KIF13A: variants seen among roughly 807,000 people sequenced by gnomAD.
KIF13A encodes the protein kinesin-like protein KIF13A.
In KIF13A, 79 loss-of-function variants were observed where a neutral mutation model predicts 212.2. That is an observed-to-expected ratio of 0.37 (90% CI 0.31 to 0.45). KIF13A has a LOEUF of 0.45. Among genes scored for constraint, KIF13A ranks in the 20% least tolerant of loss-of-function variants. The probability of loss-of-function intolerance (pLI) is 1.00; values close to 1 mark genes in which losing one functional copy is unlikely to be tolerated. For missense variants in KIF13A, 1,901 were observed against 2,209.0 expected (o/e 0.86, Z 2.79); for synonymous variants, 789 against 808.6 (o/e 0.98, Z 0.41).
chr6:17,841,958 CACAT>C (rs1766552333), intron 9 of KIF13A, among the ~76,000 whole-genome samples: 1 of 151,632 alleles, frequency 6.6e-6, no homozygotes. Context: ...TACACACACA[CACAT>C]ACATGTAAGT....
rs2147211 is a variant in KIF13A, at chr6:17,789,960, A to G, written c.3223-50T>C. 442,454 of 1,445,972 alleles carry G rather than the reference A, an allele frequency of 0.31. 69,931 individuals are homozygous for G. Among genetic ancestry groups the G allele is most frequent in the African/African-American group, 0.53 (38,449 of 72,008 alleles). The allele number at this position is 1,445,972 out of a possible 1,614,324, so 89.6% of individuals were successfully genotyped here. A position where few individuals can be genotyped will look rare whatever the true frequency, so the allele number is the denominator to read the frequency against. ...GGACAAGCATTTTGTTTTTCAAACCACATACAGGGAAAATAATTATTTAAG... is the reference window on the plus strand; with the variant it reads ...GGACAAGCATTTTGTTTTTCAAACCGCATACAGGGAAAATAATTATTTAAG... On this transcript the variant is annotated intron_variant, in intron 25 of 38. Coordinates refer to ENST00000259711, the MANE Select transcript of KIF13A (RefSeq NM_022113.6). The surrounding 1 kb of genome is among the most constrained non-coding windows in gnomAD (Gnocchi z 4.8).
Position 17,794,492 on chromosome 6 carries a change from G to C in KIF13A, c.3075+80C>G. On this transcript the variant is annotated intron_variant, in intron 24 of 38. Coordinates refer to ENST00000259711, the MANE Select transcript of KIF13A (RefSeq NM_022113.6). This position sits in a 1 kb window ranked among gnomAD's most constrained non-coding sequence, Gnocchi z 4.1. ...GGATTAGAGAATAAAGATACAAATA[G>C]TTAGAAAATCCCCAGAAACAATGTG... 1.3e-6 allele frequency: 2 copies of C among 1,557,062 alleles called. No individual in the cohort carries two copies. Among genetic ancestry groups the C allele is most frequent in the Non-Finnish European group, 1.7e-6 (2 of 1,149,680 alleles).
chr6:17,929,460 G>A lies in KIF13A; in HGVS notation c.147-31280C>T, dbSNP rs867705589. On this transcript the variant is annotated intron_variant, in intron 2 of 38. Transcript: ENST00000259711. ...CTGTTGGCCAGGCTGGAGTGCAGTG[G>A]CACGATCTTGGCTCACTGCAAGCTC... 4.6e-5 allele frequency among the ~76,000 whole-genome samples: 7 copies of A among 150,974 alleles called. 1 individual carries two copies. In the Middle Eastern group the frequency reaches 0.01, roughly 222 times the overall value.
intron 2 of KIF13A, among the ~76,000 whole-genome samples, chr6:17,940,871 G>A (rs899737576): frequency 4.7e-5 from 7 of 148,160 alleles, no homozygotes; most frequent in African/African-American, 1.8e-4. Flanking sequence ...TGTTGCCCAG[G>A]CTGGAGTGCA....
chr6:17,892,595 G>A lies in KIF13A; in HGVS notation c.159+5573C>T, dbSNP rs879638740. ...GCTGCTTACCAGAAAGACCAAGGCA[G>A]GATTAGAGGGTTGGAACATTTAGCC... On this transcript the variant is annotated intron_variant, in intron 3 of 38. Transcript: ENST00000259711. This position sits in a 1 kb window ranked among gnomAD's most constrained non-coding sequence, Gnocchi z 4.7. 5.3e-5 allele frequency among the ~76,000 whole-genome samples: 8 copies of A among 152,220 alleles called. No individual in the cohort carries two copies. The highest frequency in any genetic ancestry group is 1.7e-4 in the African/African-American group (7 of 41,460).
chr6:17,977,114 C>CAAAAAAAAAAAAAAAAAA (rs398000718), intron 2 of KIF13A, among the ~76,000 whole-genome samples: 4 of 106,698 alleles, frequency 3.7e-5, no homozygotes, highest in Non-Finnish European at 7.7e-5. Flanking sequence ...AAAACAACAA[C>CAAAAAAAAAAAAAAAAAA]AAAAAAAAAA....
intron 9 of KIF13A, among the ~76,000 whole-genome samples, chr6:17,846,497 G>C (rs1187857463): frequency 6.6e-6 from 1 of 151,580 alleles, no homozygotes; most frequent in African/African-American, 2.4e-5. Context: ...GCCAGAAGCA[G>C]TGGCTCACAC....
chr6:17,888,741 C>T lies in KIF13A; in HGVS notation c.159+9427G>A, dbSNP rs1771775262. On this transcript the variant is annotated intron_variant, in intron 3 of 38. Transcript: ENST00000259711. This position sits in a 1 kb window ranked among gnomAD's most constrained non-coding sequence, Gnocchi z 4.8. The stretch of plus-strand genomic sequence containing the variant: ...TTGGAAGGCTGAGGTGAGAGAATTG[C>T]TTGAACCTAGGAGGTGGAGGTTGCA... Among the ~76,000 whole-genome samples the T allele has an allele frequency of 1.3e-5, 2 of 152,188 alleles. No individual in the cohort carries two copies. Among genetic ancestry groups the T allele is most frequent in the South Asian group, 4.1e-4 (2 of 4,820 alleles).
rs1253073256 is a variant in KIF13A at position 17,971,384 on chromosome 6, T to C, written c.146+15670A>G. Reference sequence around the variant, plus strand: ...CCTATTCTGGTGTTAAGCTGACCTCTATTTTATAATAAAATATTAAAATTT... The same window carrying C: ...CCTATTCTGGTGTTAAGCTGACCTCCATTTTATAATAAAATATTAAAATTT... On this transcript the variant is annotated intron_variant, in intron 2 of 38. Transcript: ENST00000259711. The surrounding 1 kb of genome is among the most constrained non-coding windows in gnomAD (Gnocchi z 4.2). 2.0e-5 allele frequency among the ~76,000 whole-genome samples: 3 copies of C among 152,234 alleles called. No individual in the cohort carries two copies. The highest frequency in any genetic ancestry group is 3.8e-4 in the East Asian group (2 of 5,206).
At chr6:17,840,111 G>A (rs1399060351) in intron 9 of KIF13A, among the ~76,000 whole-genome samples, 2 of 152,126 alleles carry the variant, frequency 1.3e-5, no homozygotes, top group African/African-American at 4.8e-5. Context: ...TGGATACAAG[G>A]TTTCTTTTGG....
Position 17,855,617 on chromosome 6 carries a change from C to G in KIF13A, c.314G>C (p.Gly105Ala). The G allele has an allele frequency of 6.3e-7, 1 of 1,598,020 alleles. No homozygotes were observed. The highest frequency in any genetic ancestry group is 8.5e-7 in the Non-Finnish European group (1 of 1,175,110). ...NACIFAYGQT[G>A]SGKSFSMMGH... ...CATCATGGAAAAGGATTTTCCCGAA[C>G]CTGGAGAACAGCAAGGAAAAAGAAG... The change falls in exon 6 of 39, where the codon GGT becomes GCT. Residue 105 changes from glycine (G) to alanine (A), a missense_variant and splice_region_variant. Physicochemically the swap from Gly to Ala is moderately conservative, Grantham distance 60 (BLOSUM62 0). Around this residue, in one of 5 missense-constraint regions of KIF13A, gnomAD observed 506 missense variants for 637.4 expected, o/e 0.79. Coordinates refer to ENST00000259711, the MANE Select transcript of KIF13A (RefSeq NM_022113.6). The surrounding 1 kb of genome is among the most constrained non-coding windows in gnomAD (Gnocchi z 4.1).
intron 16 of KIF13A, among the ~76,000 whole-genome samples, chr6:17,820,673 C>G (rs964258869): frequency 1.3e-5 from 2 of 152,240 alleles, no homozygotes; most frequent in South Asian, 4.1e-4. Flanking sequence ...GCCAGGTGCC[C>G]AAAGCCAAGA....
chr6:17,804,415 G>T lies in KIF13A; in HGVS notation c.2400C>A (p.Leu800=), dbSNP rs1237533243. ...IGVANVFLEC[L]FCDVKLQYAV... ...CATACTGAAGTTTCACATCACAGAAGAGGCATTCCAAGAATACATTCGCCA... is the reference window on the plus strand; with the variant it reads ...CATACTGAAGTTTCACATCACAGAATAGGCATTCCAAGAATACATTCGCCA... Residue 800 remains leucine (L), a synonymous_variant, in exon 20 of 39, where the codon CTC becomes CTA. Transcript: ENST00000259711. 8 of 1,560,434 alleles carry T rather than the reference G, an allele frequency of 5.1e-6. No homozygotes were observed. In the East Asian group the frequency reaches 1.7e-4, roughly 33 times the overall value.
chr6:17,827,824 T>G (rs143422697), intron 14 of KIF13A, among the ~76,000 whole-genome samples: 1,797 of 152,234 alleles, frequency 0.012, 21 homozygotes, highest in Admixed American at 0.032. Flanking sequence ...GCCTAGCCAA[T>G]TTTCTGGTAT....
At chr6:17,878,205 C>G (rs761562696) in intron 3 of KIF13A, among the ~76,000 whole-genome samples, 6 of 152,176 alleles carry the variant, frequency 3.9e-5, no homozygotes, top group Non-Finnish European at 5.9e-5. Flanking sequence ...CTGGAAAAAA[C>G]TGGAGCAGGT....
At position 17,771,057 on chromosome 6, in the gene KIF13A, T is replaced by G. The variant is rs182584363; in HGVS notation, c.4581+57A>C. On this transcript the variant is annotated intron_variant, in intron 38 of 38. Transcript: ENST00000259711. This position sits in a 1 kb window ranked among gnomAD's most constrained non-coding sequence, Gnocchi z 5.4. The stretch of plus-strand genomic sequence containing the variant: ...CTTCTAGCATTTGGATGATTGTCTG[T>G]GAAAGGGCCTTAAACCCACCACCAG... The G allele has an allele frequency of 2.7e-4, 295 of 1,110,082 alleles. 3 individuals are homozygous for G. In the East Asian group the frequency reaches 5.8e-3, roughly 22 times the overall value. The allele number at this position is 1,110,082 out of a possible 1,614,324, so 68.8% of individuals were successfully genotyped here.
rs1192390750 is a variant in KIF13A, at chr6:17,771,226, G to A, written c.4477-8C>T. 2 of 1,595,968 alleles carry A rather than the reference G, an allele frequency of 1.3e-6. No homozygotes were observed. The highest frequency in any genetic ancestry group is 1.1e-5 in the South Asian group (1 of 89,806). Reference sequence around the variant, plus strand: ...CTGAGGTGGAGGCATGCTCTGCAAAGGTTAAGACACACAGATGCATCACAC... The same window carrying A: ...CTGAGGTGGAGGCATGCTCTGCAAAAGTTAAGACACACAGATGCATCACAC... On this transcript the variant is annotated splice_polypyrimidine_tract_variant and splice_region_variant and intron_variant, in intron 37 of 38. Coordinates refer to ENST00000259711, the MANE Select transcript of KIF13A (RefSeq NM_022113.6). The surrounding 1 kb of genome is among the most constrained non-coding windows in gnomAD (Gnocchi z 5.4).
At chr6:17,975,564 T>A (rs753396987) in intron 2 of KIF13A, among the ~76,000 whole-genome samples, 3 of 152,136 alleles carry the variant, frequency 2.0e-5, no homozygotes, top group Non-Finnish European at 4.4e-5. Context: ...AAGCTTCCAG[T>A]ACAGAACAAA....
chr6:17,916,470 T>C (rs1032521643), intron 2 of KIF13A, among the ~76,000 whole-genome samples: 4 of 152,236 alleles, frequency 2.6e-5, no homozygotes, highest in Non-Finnish European at 5.9e-5. Context: ...CAAGTTTCTC[T>C]TCCTGTTATG....
Sources: gnomAD v4.1 joint callset for allele counts (sites outside exome capture counted in the v4.1 genomes callset) on GRCh38, gnomAD v4.1.1 for gene constraint, gnomAD v4.1.1 regional missense constraint, Gnocchi (gnomAD v3.1) non-coding constraint, MANE v1.5 for transcripts, NCBI Gene and HGNC (gene_info 2026-07-23, HGNC 2026-07-21) for gene names.